The following PPFIA1 variants were observed in gnomAD, a reference collection of about 807,000 sequenced individuals.
PPFIA1 encodes liprin-alpha-1.
PPFIA1 carries 25 observed loss-of-function variants against 149.9 expected under a neutral mutation model. The ratio of observed to expected loss-of-function variants is 0.17; its 90% CI spans 0.12 to 0.23. The LOEUF is 0.23. Ranked by LOEUF, PPFIA1 falls within the 10% of genes least tolerant of loss-of-function variation. PPFIA1 has a pLI of 1.00. For synonymous variants in PPFIA1, 549 were observed against 552.8 expected, an observed-to-expected ratio of 0.99 and a Z score of 0.10; for missense variants, 1,362 against 1,506.5, an observed-to-expected ratio of 0.90 and a Z score of 1.59.
rs182089596 is a variant in PPFIA1 at position 70,282,790 on chromosome 11, C to T, written c.264+10354C>T. Among the ~76,000 whole-genome samples, 878 of 149,736 alleles carry T rather than the reference C, an allele frequency of 5.9e-3. 10 individuals are homozygous for T. The highest frequency in any genetic ancestry group is 0.019 in the African/African-American group (793 of 40,822). On this transcript the variant is annotated intron_variant, in intron 2 of 27. Transcript: ENST00000253925. ...CTCATGATCCACTGCATGCCTTGGC[C>T]TCCCAAAGTGCTGGGATTACAGGCG...
intron 2 of PPFIA1, among the ~76,000 whole-genome samples, chr11:70,303,830 AC>A (rs2052659707): frequency 6.6e-6 from 1 of 151,874 alleles, no homozygotes; most frequent in East Asian, 1.9e-4. Flanking sequence ...ACATGGTGAA[AC>A]CCCGTCTCTA....
At chr11:70,359,890 A>T (rs754591563) in intron 19 of PPFIA1, among the ~76,000 whole-genome samples, 1 of 152,268 alleles carries the variant, frequency 6.6e-6, no homozygotes, top group African/African-American at 2.4e-5. Context: ...GGCTTCAGCC[A>T]TCTCCAGGCT....
In PPFIA1 at chr11:70,356,171, C is replaced by T. The variant is rs755615764; in HGVS notation, c.2499C>T (p.Ser833=). Reference sequence around the variant, plus strand: ...TCTGCTTCCTCACAGCTGGTGTTTCCGAGACGGATAACTCATCTCAGGATG... The same window carrying T: ...TCTGCTTCCTCACAGCTGGTGTTTCTGAGACGGATAACTCATCTCAGGATG... ...GKEALGQAGV[S]ETDNSSQDAL... is the part of the protein sequence containing the mutation. The change falls in exon 19 of 28, where the codon TCC becomes TCT. Residue 833 remains serine (S), a synonymous_variant. Coordinates refer to ENST00000253925, the MANE Select transcript of PPFIA1 (RefSeq NM_003626.5). 1.2e-6 allele frequency: 2 copies of T among 1,613,668 alleles called. No individual in the cohort carries two copies. Among genetic ancestry groups the T allele is most frequent in the South Asian group, 1.1e-5 (1 of 91,068 alleles).
chr11:70,305,461 T>G (rs1045017870), intron 2 of PPFIA1, among the ~76,000 whole-genome samples: 1 of 152,122 alleles, frequency 6.6e-6, no homozygotes, highest in Admixed American at 6.6e-5. Context: ...AGCCTCGACC[T>G]CCTGGGCTTA....
chr11:70,362,524 CAG>C (rs774975702), intron 21 of PPFIA1, 36 bp downstream of exon 21: 138 of 1,538,410 alleles, frequency 9.0e-5, no homozygotes, highest in Non-Finnish European at 1.1e-4. Context: ...TCTTTGGAAA[CAG>C]GGAATGCCTC....
intron 2 of PPFIA1, among the ~76,000 whole-genome samples, chr11:70,290,327 A>C (rs985243449): frequency 6.6e-6 from 1 of 152,230 alleles, no homozygotes; most frequent in African/African-American, 2.4e-5. Flanking sequence ...TCTTGCACCT[A>C]GCCCTGTCGC....
intron 2 of PPFIA1, among the ~76,000 whole-genome samples, chr11:70,307,166 C>T (rs538696633): frequency 3.9e-5 from 6 of 152,294 alleles, no homozygotes; most frequent in South Asian, 2.1e-4. Context: ...GGGATAATTT[C>T]GCAGTATCTT....
intron 2 of PPFIA1, among the ~76,000 whole-genome samples, chr11:70,295,553 G>GC (rs2051897548): frequency 7.3e-6 from 1 of 137,286 alleles, no homozygotes; most frequent in Non-Finnish European, 1.6e-5. Flanking sequence ...CTGGCCGGGC[G>GC]GGGGGCTGAC....
At chr11:70,355,010 C>G (rs1207503762) in intron 17 of PPFIA1, among the ~76,000 whole-genome samples, 1 of 151,976 alleles carries the variant, frequency 6.6e-6, no homozygotes, top group African/African-American at 2.4e-5. Context: ...GATCTTGGCT[C>G]ACCACAACCT....
At chr11:70,378,784 G>C (rs1258200494) in intron 26 of PPFIA1, among the ~76,000 whole-genome samples, 2 of 152,230 alleles carry the variant, frequency 1.3e-5, no homozygotes, top group Non-Finnish European at 2.9e-5. Flanking sequence ...CAGCCAGAGA[G>C]AGAGCATCAC....
intron 2 of PPFIA1, among the ~76,000 whole-genome samples, chr11:70,311,308 C>CA (rs879918332): frequency 0.14 from 18,553 of 128,526 alleles, 1,283 homozygotes; most frequent in Admixed American, 0.2. Context: ...AACTCCATCT[C>CA]AAAAAAAAAA....
Position 70,339,189 on chromosome 11 carries a change from T to C in PPFIA1, c.1590T>C (p.Ser530=). 1 of 1,614,080 alleles carries C rather than the reference T, an allele frequency of 6.2e-7. No individual in the cohort carries two copies. The highest frequency in any genetic ancestry group is 8.5e-7 in the Non-Finnish European group (1 of 1,180,032). Residue 530 remains serine, a synonymous_variant, in exon 14 of 28, where the codon AGT becomes AGC. Coordinates refer to ENST00000253925, the MANE Select transcript of PPFIA1 (RefSeq NM_003626.5). ...SLHHGRPHLG[S]VPDFRFPMAD... ...GTTTCAGCCGACCCCACTTGGGCAG[T>C]GTCCCAGATTTCAGGTTCCCCATGG... is the stretch of plus-strand genomic sequence containing the variant.
chr11:70,381,809 G>C (rs1354198078), intron 26 of PPFIA1, among the ~76,000 whole-genome samples: 1 of 152,238 alleles, frequency 6.6e-6, no homozygotes, highest in African/African-American at 2.4e-5. Context: ...CATTTATGCA[G>C]ATGTACATTT....
At chr11:70,316,693 G>A (rs762458820) in intron 2 of PPFIA1, among the ~76,000 whole-genome samples, 18 of 152,150 alleles carry the variant, frequency 1.2e-4, no homozygotes, top group Non-Finnish European at 2.4e-4. Flanking sequence ...GTGAGGGTGG[G>A]GACCATGAGG....
At chr11:70,281,352 C>T (rs189894537) in intron 2 of PPFIA1, among the ~76,000 whole-genome samples, 1 of 152,324 alleles carries the variant, frequency 6.6e-6, no homozygotes. Context: ...TCAGTTGAAG[C>T]TGCCTTCCCC....
chr11:70,349,854 T>C (rs2055943617), intron 16 of PPFIA1: 1 of 452,158 alleles, frequency 2.2e-6, no homozygotes, highest in Non-Finnish European at 4.4e-6. Context: ...TTCTGTATGC[T>C]GGCTGACAGT....
Position 70,272,566 on chromosome 11 carries a change from TG to T in PPFIA1, c.264+131del, listed in dbSNP as rs1461444337. ...TTGTGAAATGATAGTTTCTGGTGTTTGTAAGTCAAATACAAAGTTCCTAGGG... is the reference window on the plus strand; with the variant it reads ...TTGTGAAATGATAGTTTCTGGTGTTTTAAGTCAAATACAAAGTTCCTAGGG... On this transcript the variant is annotated intron_variant, in intron 2 of 27. Transcript: ENST00000253925. The T allele has an allele frequency of 3.5e-6, 4 of 1,145,058 alleles. No individual in the cohort carries two copies. In the Admixed American group the frequency reaches 7.7e-5, roughly 22 times the overall value. The allele number at this position is 1,145,058 out of a possible 1,614,324, so 70.9% of individuals were successfully genotyped here.
At chr11:70,296,042 C>T (rs1169779316) in intron 2 of PPFIA1, among the ~76,000 whole-genome samples, 14 of 150,820 alleles carry the variant, frequency 9.3e-5, no homozygotes, top group Admixed American at 2.6e-4. Flanking sequence ...ACATCCCAGA[C>T]GGGGCGTCGG....
chr11:70,371,392 T>G (rs1591376748), intron 21 of PPFIA1: 1 of 54,556 alleles, frequency 1.8e-5, no homozygotes, highest in Admixed American at 1.8e-4. Context: ...ATTCTGTTGT[T>G]TGGTGGATTG....
Sources: gnomAD v4.1 joint callset for allele counts (sites outside exome capture counted in the v4.1 genomes callset) on GRCh38, gnomAD v4.1.1 for gene constraint, MANE v1.5 for transcripts, NCBI Gene and HGNC (gene_info 2026-07-23, HGNC 2026-07-21) for gene names.